SLA2: variants seen among roughly 807,000 people sequenced by gnomAD.
SLA2 encodes Src like adaptor 2.
SLA2 carries 22 observed loss-of-function variants against 27.3 expected under a neutral mutation model. The observed-to-expected ratio is 0.81, with a 90% CI of 0.58 to 1.15. SLA2 has a LOEUF of 1.15. Among genes scored for constraint, SLA2 ranks in the 50% most tolerant of loss-of-function variants. The pLI, the probability that SLA2 is intolerant of heterozygous loss-of-function variation, is 0.00. For missense variants in SLA2, 304 were observed against 322.2 expected (o/e 0.94, Z 0.43); for synonymous variants, 131 against 137.8 (o/e 0.95, Z 0.34).
At chr20:36,641,186 G>C (rs1320376839) in intron 2 of SLA2, 59 bp downstream of exon 2, 6 of 1,419,654 alleles carry the variant, frequency 4.2e-6, no homozygotes, top group Middle Eastern at 2.1e-4. Context: ...GGCCCACAGA[G>C]GCAGTGAAGT....
rs1043763711 is a variant in SLA2, at chr20:36,614,819, C to G, written c.533-382G>C. 4.1e-6 allele frequency: 4 copies of G among 985,312 alleles called. No individual in the cohort carries two copies. In the African/African-American group the frequency reaches 7.0e-5, roughly 17 times the overall value. The allele number at this position is 985,312 out of a possible 1,614,324, so 61.0% of individuals were successfully genotyped here. Reference sequence around the variant, plus strand: ...CAAGAGTGCTCTTCCCTCTCTGCCCCCTGACGCTGTGCCCAGTGACTGCAT... The same window carrying G: ...CAAGAGTGCTCTTCCCTCTCTGCCCGCTGACGCTGTGCCCAGTGACTGCAT... On this transcript the variant is annotated intron_variant, in intron 6 of 7. Transcript: ENST00000262866.
At chr20:36,638,115 A>T (rs2039471356) in intron 2 of SLA2, among the ~76,000 whole-genome samples, 1 of 147,926 alleles carries the variant, frequency 6.8e-6, no homozygotes, top group South Asian at 2.1e-4. Context: ...TTGGTCTTGA[A>T]CTCCTGACCT....
chr20:36,633,493 G>T, intron 4 of SLA2, 50 bp downstream of exon 4: 1 of 1,479,354 alleles, frequency 6.8e-7, no homozygotes, highest in Non-Finnish European at 9.5e-7. Flanking sequence ...AGTTCTTGTG[G>T]GAGGAGAAAG....
rs1158144496 is a variant in SLA2 at position 36,613,955 on chromosome 20, C to T, written c.697G>A (p.Glu233Lys). 3.1e-6 allele frequency: 5 copies of T among 1,614,106 alleles called. No individual in the cohort carries two copies. Among genetic ancestry groups the T allele is most frequent in the Non-Finnish European group, 2.5e-6 (3 of 1,179,984 alleles). ...AGACCCTCACTGAGAAGAGACTCCT[C>T]CCCTGTGGCAGCTTCAGAAAACAGG... ...SLLFSEAATG[E>K]ESLLSEGLRE... Residue 233 changes from glutamate to lysine, a missense_variant, in exon 8 of 8, where the codon GAG (glutamate) becomes AAG (lysine). Coordinates refer to ENST00000262866, the MANE Select transcript of SLA2 (RefSeq NM_032214.4).
chr20:36,631,277 G>A (rs1359481439), intron 5 of SLA2, among the ~76,000 whole-genome samples: 1 of 152,114 alleles, frequency 6.6e-6, no homozygotes, highest in Non-Finnish European at 1.5e-5. Flanking sequence ...TTCAGCCTCC[G>A]AAGTAGCTCG....
At chr20:36,615,195 C>T in intron 6 of SLA2, 30 bp downstream of exon 6, 1 of 1,613,836 alleles carries the variant, frequency 6.2e-7, no homozygotes, top group East Asian at 2.2e-5. Flanking sequence ...ACTATCCCAG[C>T]CTAGTCCTGG....
At position 36,615,363 on chromosome 20, in the gene SLA2, GAGAGTA is replaced by G. The variant is rs746291484; in HGVS notation, c.388_393del (p.Tyr130_Ser131del). ...GCAGGGCGGCTGAGGCGGACTGACA[GAGAGTA>G]AGAGCCTGAGGAGAAAGGGGTCCAG... On this transcript the variant is annotated inframe_deletion, in exon 6 of 8. Coordinates refer to ENST00000262866, the MANE Select transcript of SLA2 (RefSeq NM_032214.4). 21 of 1,613,778 alleles carry G rather than the reference GAGAGTA, an allele frequency of 1.3e-5. No individual in the cohort carries two copies. Among genetic ancestry groups the G allele is most frequent in the Non-Finnish European group, 1.7e-5 (20 of 1,179,918 alleles).
rs2039169904 is a variant in SLA2 at position 36,613,766 on chromosome 20, C to A, written c.*100G>T. On this transcript the variant is annotated 3_prime_UTR_variant, in exon 8 of 8. Transcript: ENST00000262866. ...TAGATGCACCTCTGTGTCCCACCCT[C>A]CCTCCCTGAGTGCACAGCCTTGCCT... 6.5e-6 allele frequency: 3 copies of A among 464,906 alleles called. No individual in the cohort carries two copies. The highest frequency in any genetic ancestry group is 1.2e-5 in the Non-Finnish European group (3 of 246,276). The allele number at this position is 464,906 out of a possible 1,614,324, so 28.8% of individuals were successfully genotyped here.
chr20:36,613,603 T>G lies in SLA2; in HGVS notation c.*263A>C, dbSNP rs2039167748. ...AGGTCAGACCCCCCAGGAGGCTTAT[T>G]CTCTTTTTGGAACCCTGGCCCTGGT... On this transcript the variant is annotated 3_prime_UTR_variant, in exon 8 of 8. Coordinates refer to ENST00000262866, the MANE Select transcript of SLA2 (RefSeq NM_032214.4). 2 of 378,394 alleles carry G rather than the reference T, an allele frequency of 5.3e-6. No homozygotes were observed. The highest frequency in any genetic ancestry group is 2.1e-5 in the African/African-American group (1 of 47,842). The allele number at this position is 378,394 out of a possible 1,614,324, so 23.4% of individuals were successfully genotyped here. A position where few individuals can be genotyped will look rare whatever the true frequency, so the allele number is the denominator to read the frequency against.
intron 4 of SLA2, 110 bp from the exon 5 acceptor site, chr20:36,632,808 G>T: frequency 1.2e-6 from 1 of 800,226 alleles, no homozygotes. Context: ...CCCTCTCTGG[G>T]CCTCAGAGTT....
chr20:36,619,519 CTG>C (rs889399661), intron 5 of SLA2, among the ~76,000 whole-genome samples: 46 of 150,646 alleles, frequency 3.1e-4, no homozygotes, highest in African/African-American at 1.0e-3. Context: ...TAGCAAGACT[CTG>C]TGTCAAAAAA....
intron 6 of SLA2, 48 bp from the exon 7 acceptor site, chr20:36,614,485 C>G (rs189075164): frequency 1.9e-6 from 3 of 1,553,122 alleles, no homozygotes. Context: ...CACCCTACTT[C>G]TCCCCAACAG....
In SLA2 at chr20:36,613,988, T is replaced by C. The variant is rs1442947449; in HGVS notation, c.666-2A>G. 1.9e-6 allele frequency: 3 copies of C among 1,613,698 alleles called. No homozygotes were observed. The highest frequency in any genetic ancestry group is 2.5e-6 in the Non-Finnish European group (3 of 1,179,950). On this transcript the variant is annotated splice_acceptor_variant, in intron 7 of 7. Transcript: ENST00000262866. LOFTEE classifies it high-confidence loss of function. ...GCAGCTTCAGAAAACAGGAGGGAGC[T>C]GTGGACAAAGGAAGATAATTGGGTC...
chr20:36,619,248 G>T (rs1423647101), intron 5 of SLA2, among the ~76,000 whole-genome samples: 1 of 143,778 alleles, frequency 7.0e-6, no homozygotes, highest in Admixed American at 7.1e-5. Context: ...AAAAAAGGCT[G>T]GGTGCGGTGG....
intron 2 of SLA2, among the ~76,000 whole-genome samples, chr20:36,638,238 A>G (rs1483243246): frequency 1.3e-5 from 2 of 151,930 alleles, no homozygotes; most frequent in African/African-American, 2.4e-5. Flanking sequence ...AGATTTTCAC[A>G]TCTTTAATTA....
intron 5 of SLA2, among the ~76,000 whole-genome samples, chr20:36,616,021 A>G (rs1352718780): frequency 1.3e-5 from 2 of 152,268 alleles, no homozygotes; most frequent in Non-Finnish European, 2.9e-5. Flanking sequence ...GAAATTAAGC[A>G]GAAAAACATT....
Position 36,613,822 on chromosome 20 carries a change from C to T in SLA2, c.*44G>A. 7.5e-7 allele frequency: 1 copy of T among 1,332,850 alleles called. No individual in the cohort carries two copies. 82.6% of individuals were successfully genotyped at this position (1,332,850 alleles called of 1,614,324 possible). A position where few individuals can be genotyped will look rare whatever the true frequency, so the allele number is the denominator to read the frequency against. On this transcript the variant is annotated 3_prime_UTR_variant, in exon 8 of 8. Transcript: ENST00000262866. ...GTGCCCAGGAGGCTGAATTGGGGTT[C>T]TAGGTGTGCAGCCTTGGTTTCCCTT...
Position 36,613,991 on chromosome 20 carries a change from G to T in SLA2, c.666-5C>A. 1 of 1,613,486 alleles carries T rather than the reference G, an allele frequency of 6.2e-7. No homozygotes were observed. Among genetic ancestry groups the T allele is most frequent in the South Asian group, 1.1e-5 (1 of 91,052 alleles). On this transcript the variant is annotated splice_polypyrimidine_tract_variant and splice_region_variant and intron_variant, in intron 7 of 7. Coordinates refer to ENST00000262866, the MANE Select transcript of SLA2 (RefSeq NM_032214.4). The stretch of plus-strand genomic sequence containing the variant: ...GCTTCAGAAAACAGGAGGGAGCTGT[G>T]GACAAAGGAAGATAATTGGGTCAAG...
At chr20:36,644,698 G>A (rs1407927671) in intron 1 of SLA2, among the ~76,000 whole-genome samples, 1 of 152,156 alleles carries the variant, frequency 6.6e-6, no homozygotes, top group Non-Finnish European at 1.5e-5. Context: ...AGCCTAGGAG[G>A]AGGCAGAGTA....
Sources: allele counts gnomAD v4.1 joint callset (sites outside exome capture counted in the v4.1 genomes callset), GRCh38; gene constraint gnomAD v4.1.1; transcripts MANE v1.5; gene names NCBI Gene and HGNC (gene_info 2026-07-23, HGNC 2026-07-21).